The following HORMAD2 variants were observed in gnomAD, a reference collection of about 807,000 sequenced individuals.
HORMAD2 encodes HORMA domain-containing protein 2.
A neutral mutation model predicts 38.8 loss-of-function variants in HORMAD2; 45 were observed. The observed-to-expected ratio is 1.16, with a 90% confidence interval of 0.91 to 1.49. The LOEUF is 1.49. Among genes scored for constraint, HORMAD2 ranks in the 40% most tolerant of loss-of-function variants. HORMAD2 has a pLI of 0.00. For missense variants in HORMAD2, 338 were observed against 367.0 expected (o/e 0.92, Z 0.65); for synonymous variants, 126 against 122.8 (o/e 1.03, Z -0.17).
chr22:30,085,348 A>T (rs1431121575), intron 1 of HORMAD2, among the ~76,000 whole-genome samples: 2 of 152,142 alleles, frequency 1.3e-5, no homozygotes, highest in East Asian at 3.8e-4. Context: ...TCTGGAATTG[A>T]TAGTGTTTGC....
At chr22:30,203,395 A>AT in the HORMAD2 span, among the ~76,000 whole-genome samples, 6 of 1,946 alleles carry the variant, frequency 3.1e-3, no homozygotes, top group Non-Finnish European at 7.8e-3. Context: ...ACTCTGTCTC[A>AT]AAAAAAAAAA....
Position 30,124,392 on chromosome 22 carries a change from A to G in HORMAD2, c.819+2178A>G, listed in dbSNP as rs557764127. 5.3e-5 allele frequency among the ~76,000 whole-genome samples: 8 copies of G among 152,292 alleles called. No individual in the cohort carries two copies. The South Asian group carries it at 1.7e-3, about 32-fold the overall frequency. ...ACTACATAAAAATATGTACAGTTTA[A>G]AGAATAATGAGAACATCCATATGTC... is the stretch of plus-strand genomic sequence containing the variant. On this transcript the variant is annotated intron_variant, in intron 10 of 10. Transcript: ENST00000336726.
chr22:30,100,730 A>G (rs1185787471), intron 3 of HORMAD2, among the ~76,000 whole-genome samples: 1 of 152,242 alleles, frequency 6.6e-6, no homozygotes, highest in African/African-American at 2.4e-5. Context: ...AACTTAAAAC[A>G]AATTTACAAG....
At chr22:30,079,294 C>T (rs2068429686), upstream of HORMAD2, among the ~76,000 whole-genome samples, 1 of 152,164 alleles carries the variant, frequency 6.6e-6, no homozygotes, top group Non-Finnish European at 1.5e-5. Flanking sequence ...CAAGGAGCCA[C>T]ACCCCCAACT....
chr22:30,150,786 G>A (rs1924702471), intron 10 of HORMAD2, among the ~76,000 whole-genome samples: 1 of 152,170 alleles, frequency 6.6e-6, no homozygotes, highest in African/African-American at 2.4e-5. Flanking sequence ...CTGCATTCAG[G>A]CATTCAGTAT....
chr22:30,108,598 C>T (rs938174153), intron 5 of HORMAD2, among the ~76,000 whole-genome samples: 2 of 152,104 alleles, frequency 1.3e-5, no homozygotes, highest in South Asian at 2.1e-4. Context: ...CCTCCCTAGC[C>T]TAGATGGTCC....
At chr22:30,146,327 C>G (rs982000302) in intron 10 of HORMAD2, among the ~76,000 whole-genome samples, 2 of 151,816 alleles carry the variant, frequency 1.3e-5, no homozygotes, top group African/African-American at 4.8e-5. Flanking sequence ...CCCATCTCTG[C>G]TAAAATAGAA....
Position 30,175,862 on chromosome 22 carries a change from C to G in HORMAD2, c.820-201C>G, listed in dbSNP as rs567349447. Among the ~76,000 whole-genome samples, 19 of 152,270 alleles carry G rather than the reference C, an allele frequency of 1.2e-4. No homozygotes were observed. The East Asian group carries it at 3.7e-3, about 29-fold the overall frequency. On this transcript the variant is annotated intron_variant, in intron 10 of 10. Coordinates refer to ENST00000336726, the MANE Select transcript of HORMAD2 (RefSeq NM_152510.4). ...CAGAAACTGGCTGCCTCCAAGGGAC[C>G]TCAGCTCCTGAAACTTGGAATACCA...
intron 10 of HORMAD2, among the ~76,000 whole-genome samples, chr22:30,139,706 G>A (rs1923941994): frequency 6.6e-6 from 1 of 151,904 alleles, no homozygotes; most frequent in Non-Finnish European, 1.5e-5. Context: ...TCATCATTAG[G>A]TATGGGTTTT....
chr22:30,193,592 C>T, the HORMAD2 span, among the ~76,000 whole-genome samples: 1 of 152,124 alleles, frequency 6.6e-6, no homozygotes, highest in African/African-American at 2.4e-5. Context: ...GAAGGACAGT[C>T]AGAGAGACAA....
At chr22:30,088,761 A>G (rs991745667) in intron 1 of HORMAD2, among the ~76,000 whole-genome samples, 4 of 151,818 alleles carry the variant, frequency 2.6e-5, no homozygotes, top group Non-Finnish European at 5.9e-5. Flanking sequence ...ATACTAATAT[A>G]GAAAACTATT....
chr22:30,163,633 G>T (rs546434179), intron 10 of HORMAD2, among the ~76,000 whole-genome samples: 3 of 151,786 alleles, frequency 2.0e-5, no homozygotes, highest in African/African-American at 7.3e-5. Context: ...TCTCCATGTT[G>T]CCCAGGCTGT....
intron 10 of HORMAD2, among the ~76,000 whole-genome samples, chr22:30,146,660 A>G (rs1215761505): frequency 6.6e-6 from 1 of 152,206 alleles, no homozygotes; most frequent in East Asian, 1.9e-4. Context: ...GACTCTTACC[A>G]CTTATAGTCA....
intron 7 of HORMAD2, among the ~76,000 whole-genome samples, chr22:30,115,983 G>A (rs752411039): frequency 7.2e-5 from 11 of 152,154 alleles, no homozygotes; most frequent in African/African-American, 2.7e-4. Context: ...GCGTCAAATC[G>A]CAGTTCTACC....
the HORMAD2 span, among the ~76,000 whole-genome samples, chr22:30,194,915 G>A: frequency 6.6e-6 from 1 of 152,048 alleles, no homozygotes; most frequent in African/African-American, 2.4e-5. Flanking sequence ...AGAGTGGGCC[G>A]GGCACAGTGG....
At chr22:30,183,781 A>G in the HORMAD2 span, among the ~76,000 whole-genome samples, 4 of 152,202 alleles carry the variant, frequency 2.6e-5, no homozygotes, top group Admixed American at 1.3e-4. Context: ...GGGAAGACCA[A>G]TCCTTAGTAG....
chr22:30,201,061 C>G, the HORMAD2 span, among the ~76,000 whole-genome samples: 1 of 152,014 alleles, frequency 6.6e-6, no homozygotes, highest in Non-Finnish European at 1.5e-5. Context: ...GAAATGTATT[C>G]TTTTACAGTT....
At chr22:30,126,169 AC>A (rs1922844454) in intron 10 of HORMAD2, among the ~76,000 whole-genome samples, 1 of 151,338 alleles carries the variant, frequency 6.6e-6, no homozygotes, top group East Asian at 1.9e-4. Flanking sequence ...TAGAGTATGG[AC>A]TTTTTTTTTT....
intron 10 of HORMAD2, among the ~76,000 whole-genome samples, chr22:30,128,872 A>G (rs1923060815): frequency 6.6e-6 from 1 of 152,218 alleles, no homozygotes; most frequent in African/African-American, 2.4e-5. Flanking sequence ...CCTCTAAGAT[A>G]TCTTTCATGC....
Sources: gnomAD v4.1 joint callset for allele counts (sites outside exome capture counted in the v4.1 genomes callset) on GRCh38, gnomAD v4.1.1 for gene constraint, MANE v1.5 for transcripts, NCBI Gene and HGNC (gene_info 2026-07-23, HGNC 2026-07-21) for gene names.